Variants in THSD7B observed in about 807,000 individuals in gnomAD.
The protein encoded by THSD7B is thrombospondin type-1 domain-containing protein 7B.
A neutral mutation model predicts 213.6 loss-of-function variants in THSD7B; 138 were observed. The observed-to-expected ratio is 0.65, with a 90% CI of 0.56 to 0.74. The LOEUF (loss-of-function observed/expected upper bound fraction) is 0.74. Ranked by LOEUF, THSD7B falls within the 30% of genes least tolerant of loss-of-function variation. The pLI is 0.00. For synonymous variants in THSD7B, 742 were observed against 687.0 expected (o/e 1.08, Z -1.25); for missense variants, 1,931 against 1,991.5 (o/e 0.97, Z 0.58).
chr2:137,670,083 T>C (rs560440531), intron 27 of THSD7B, among the ~76,000 whole-genome samples: 1 of 152,308 alleles, frequency 6.6e-6, no homozygotes, highest in African/African-American at 2.4e-5. Context: ...AAATTTCTCT[T>C]TACTTTTCAG....
rs557704528 is a variant in THSD7B at position 137,160,302 on chromosome 2, G to C, written c.1459G>C (p.Val487Leu). The C allele has an allele frequency of 1.2e-6, 2 of 1,613,686 alleles. No individual in the cohort carries two copies. The highest frequency in any genetic ancestry group is 1.1e-5 in the South Asian group (1 of 91,076). The change falls in exon 6 of 28, where the codon GTA becomes CTA. Residue 487 changes from valine to leucine, a missense_variant. Transcript: ENST00000409968. ...CNIPCSTDCI[V>L]SSWSAWGLCI... ...TATCCCTTGCTCTACGGACTGCATA[G>C]TATCTTCCTGGTCAGCCTGGGGCCT...
At chr2:137,610,340 A>G (rs1453893506) in intron 17 of THSD7B, among the ~76,000 whole-genome samples, 1 of 152,122 alleles carries the variant, frequency 6.6e-6, no homozygotes, top group Non-Finnish European at 1.5e-5. Context: ...TTGAAGAATG[A>G]CTTTTCTAGT....
Position 137,655,578 on chromosome 2 carries a change from T to C in THSD7B, c.4023T>C (p.Ala1341=), listed in dbSNP as rs1463032491. The C allele has an allele frequency of 1.3e-5, 21 of 1,612,960 alleles. No individual in the cohort carries two copies. The highest frequency in any genetic ancestry group is 1.8e-5 in the Non-Finnish European group (21 of 1,179,534). ...ACAGTGGTTCAATATCTCATGCAGCTGGACGTGTCGAGGATGCACTGTGTG... is the reference window on the plus strand; with the variant it reads ...ACAGTGGTTCAATATCTCATGCAGCCGGACGTGTCGAGGATGCACTGTGTG... ...MVHSGSISHA[A]GRVEDALCGE... The change falls in exon 22 of 28, where the codon GCT becomes GCC. Residue 1341 remains alanine (A), a synonymous_variant. Coordinates refer to ENST00000409968, the MANE Select transcript of THSD7B (RefSeq NM_001316349.2).
intron 14 of THSD7B, among the ~76,000 whole-genome samples, chr2:137,427,452 G>A (rs1036228342): frequency 3.3e-5 from 5 of 151,766 alleles, no homozygotes; most frequent in African/African-American, 9.7e-5. Context: ...ATGGTGTGTG[G>A]GGTATGTGCT....
rs372133298 is a variant in THSD7B at position 137,296,299 on chromosome 2, AT to A, written c.2500+20275del. 1.1e-4 allele frequency among the ~76,000 whole-genome samples: 16 copies of A among 152,156 alleles called. 1 individual carries two copies. The South Asian group carries it at 3.1e-3, about 30-fold the overall frequency. On this transcript the variant is annotated intron_variant, in intron 12 of 27. Coordinates refer to ENST00000409968, the MANE Select transcript of THSD7B (RefSeq NM_001316349.2). The stretch of plus-strand genomic sequence containing the variant: ...AGCTTAACTCTTACTGCACTTAGGG[AT>A]TATTTTTCTTGCTTTCATTAGTTTC...
chr2:137,556,192 T>C (rs6706464), intron 15 of THSD7B, among the ~76,000 whole-genome samples: 54,479 of 151,932 alleles, frequency 0.36, 10,137 homozygotes, highest in South Asian at 0.56. Flanking sequence ...ATACAGAGAA[T>C]GCCACAAAGA....
chr2:137,462,902 G>A (rs1687914238), intron 15 of THSD7B, among the ~76,000 whole-genome samples: 1 of 151,972 alleles, frequency 6.6e-6, no homozygotes, highest in Non-Finnish European at 1.5e-5. Flanking sequence ...GAAAAAAATT[G>A]TATGCTGAGG....
intron 3 of THSD7B, among the ~76,000 whole-genome samples, chr2:137,081,827 A>G (rs879699815): frequency 6.6e-5 from 10 of 152,110 alleles, no homozygotes; most frequent in Non-Finnish European, 1.5e-4. Context: ...TTTCCAAAGC[A>G]TCCTCTTTTG....
chr2:137,571,374 A>G (rs988970065), intron 16 of THSD7B, among the ~76,000 whole-genome samples: 4 of 152,186 alleles, frequency 2.6e-5, no homozygotes, highest in Non-Finnish European at 5.9e-5. Flanking sequence ...TTCATTATGA[A>G]TAGTGCTGCT....
chr2:137,389,839 T>C (rs2104976594), intron 12 of THSD7B, among the ~76,000 whole-genome samples: 1 of 152,282 alleles, frequency 6.6e-6, no homozygotes, highest in South Asian at 2.1e-4. Flanking sequence ...TTTTCAGCAA[T>C]GTATGTTATT....
intron 7 of THSD7B, among the ~76,000 whole-genome samples, chr2:137,208,311 T>G (rs1681028876): frequency 6.6e-6 from 1 of 152,094 alleles, no homozygotes; most frequent in South Asian, 2.1e-4. Context: ...ATCTGTCTGC[T>G]GCTAAATTAC....
At chr2:136,888,947 GT>G (rs5834519) in intron 2 of THSD7B, among the ~76,000 whole-genome samples, 72,192 of 130,728 alleles carry the variant, frequency 0.55, 19,203 homozygotes, top group Non-Finnish European at 0.66. Context: ...CTTTTGGGGT[GT>G]GTGTGTGTGT....
At chr2:137,082,185 A>AT (rs959241916) in intron 3 of THSD7B, among the ~76,000 whole-genome samples, 8 of 151,978 alleles carry the variant, frequency 5.3e-5, no homozygotes, top group African/African-American at 1.7e-4. Context: ...CTCCTCTGCA[A>AT]TTTTTTTCAT....
At chr2:137,186,174 A>G (rs1680547509) in intron 7 of THSD7B, among the ~76,000 whole-genome samples, 1 of 152,046 alleles carries the variant, frequency 6.6e-6, no homozygotes, top group South Asian at 2.1e-4. Context: ...TTCCCATTCT[A>G]TAGGATGTCT....
chr2:136,990,776 T>C, intron 2 of THSD7B: 1 of 616,916 alleles, frequency 1.6e-6, no homozygotes, highest in Non-Finnish European at 2.7e-6. Context: ...TTGTTTGAGA[T>C]GGAGATACTG....
chr2:136,829,845 T>C (rs1400271509), intron 1 of THSD7B, among the ~76,000 whole-genome samples: 1 of 152,240 alleles, frequency 6.6e-6, no homozygotes, highest in African/African-American at 2.4e-5. Context: ...ATTTTCCTTC[T>C]GTCTTACTAC....
At chr2:137,334,192 CTCTCTCTCTT>C (rs1317550136) in intron 12 of THSD7B, among the ~76,000 whole-genome samples, 7 of 149,622 alleles carry the variant, frequency 4.7e-5, no homozygotes, top group African/African-American at 9.8e-5. Flanking sequence ...CTCTCTCTCT[CTCTCTCTCTT>C]TCTCTCTTTC....
chr2:137,569,957 A>C (rs1681320366), intron 16 of THSD7B, among the ~76,000 whole-genome samples: 1 of 152,018 alleles, frequency 6.6e-6, no homozygotes, highest in South Asian at 2.1e-4. Flanking sequence ...ATAAATGAAC[A>C]TCAGCAGATA....
chr2:137,211,630 T>G (rs1405933301), intron 7 of THSD7B, among the ~76,000 whole-genome samples: 1 of 152,086 alleles, frequency 6.6e-6, no homozygotes, highest in Non-Finnish European at 1.5e-5. Context: ...GAACAACCCA[T>G]TTAATCTTCT....
Sources: gnomAD v4.1 joint callset for allele counts (sites outside exome capture counted in the v4.1 genomes callset) on GRCh38, gnomAD v4.1.1 for gene constraint, MANE v1.5 for transcripts, NCBI Gene and HGNC (gene_info 2026-07-23, HGNC 2026-07-21) for gene names.